The following RNF112 variants were observed in gnomAD, a reference collection of about 807,000 sequenced individuals.
RNF112 encodes brain finger protein.
A neutral mutation model predicts 64.7 loss-of-function variants in RNF112; 34 were observed. The observed-to-expected ratio is 0.53, with a 90% CI of 0.40 to 0.70. The LOEUF is 0.70. RNF112 is among the 30% of genes least tolerant of loss of function. The pLI is 0.00. For synonymous variants in RNF112, 345 were observed against 344.5 expected, an observed-to-expected ratio of 1.00 and a Z score of -0.02; for missense variants, 734 against 850.0, an observed-to-expected ratio of 0.86 and a Z score of 1.70.
chr17:19,416,103 G>A lies in RNF112; in HGVS notation c.1824G>A (p.Val608=), dbSNP rs1598137786. 2 of 1,583,418 alleles carry A rather than the reference G, an allele frequency of 1.3e-6. No individual in the cohort carries two copies. Among genetic ancestry groups the A allele is most frequent in the Non-Finnish European group, 1.7e-6 (2 of 1,165,488 alleles). Residue 608 remains valine (V), a synonymous_variant, in exon 14 of 14, where the codon GTG becomes GTA. Coordinates refer to ENST00000461366, the MANE Select transcript of RNF112 (RefSeq NM_007148.5). The stretch of plus-strand genomic sequence containing the variant: ...TGGGTGCTGGGTTGGCTGCCACAGT[G>A]GGCTGCATGGAGAAGGAGGAGGATG... ...GGVGAGLAAT[V]GCMEKEEDER... is the part of the protein sequence containing the mutation.
Position 19,416,950 on chromosome 17 carries a change from A to G in RNF112, c.*775A>G, listed in dbSNP as rs1199671495. ...AAGTGCCCAAATGCGAAAGAATAACACCTTTTCTTGCATTCTGAGCTAAGC... is the reference window on the plus strand; with the variant it reads ...AAGTGCCCAAATGCGAAAGAATAACGCCTTTTCTTGCATTCTGAGCTAAGC... On this transcript the variant is annotated 3_prime_UTR_variant, in exon 14 of 14. Transcript: ENST00000461366. 6.6e-6 allele frequency: 1 copy of G among 151,976 alleles called. No individual in the cohort carries two copies. Among genetic ancestry groups the G allele is most frequent in the Non-Finnish European group, 1.5e-5 (1 of 68,022 alleles). The allele number at this position is 151,976 out of a possible 1,614,324, so 9.4% of individuals were successfully genotyped here. A position where few individuals can be genotyped will look rare whatever the true frequency, so the allele number is the denominator to read the frequency against.
At position 19,415,473 on chromosome 17, in the gene RNF112, G is replaced by C. The variant is rs1000143734; in HGVS notation, c.1351-45G>C. ...GATGAGGAAACAAGCAGCGCCCCTG[G>C]CTGAGAAGGAAGGAAGGAGGCAGCC... On this transcript the variant is annotated intron_variant, in intron 12 of 13. Coordinates refer to ENST00000461366, the MANE Select transcript of RNF112 (RefSeq NM_007148.5). This position sits in a 1 kb window ranked among gnomAD's most constrained non-coding sequence, Gnocchi z 7.8. 5 of 1,584,350 alleles carry C rather than the reference G, an allele frequency of 3.2e-6. No individual in the cohort carries two copies. The Admixed American group carries it at 5.4e-5, about 17-fold the overall frequency.
chr17:19,415,661 G>A lies in RNF112; in HGVS notation c.1426-44G>A, dbSNP rs1235531811. The A allele has an allele frequency of 4.4e-6, 7 of 1,601,018 alleles. No homozygotes were observed. Among genetic ancestry groups the A allele is most frequent in the Middle Eastern group, 1.7e-4 (1 of 6,018 alleles). ...GGTCCAGATCAGGGAGAGGATACCT[G>A]GGACTCCTGGTCAGGGCACCTTCTT... On this transcript the variant is annotated intron_variant, in intron 13 of 13. Coordinates refer to ENST00000461366, the MANE Select transcript of RNF112 (RefSeq NM_007148.5). The surrounding 1 kb of genome is among the most constrained non-coding windows in gnomAD (Gnocchi z 7.8).
chr17:19,411,510 C>T, intron 1 of RNF112, 48 bp downstream of exon 1: 1 of 1,578,620 alleles, frequency 6.3e-7, no homozygotes, highest in African/African-American at 1.3e-5. Context: ...GTGGGAAGGG[C>T]CCTCCTTGGG....
intron 2 of RNF112, 34 bp downstream of exon 2, chr17:19,411,704 G>A (rs776790404): frequency 6.4e-7 from 1 of 1,565,770 alleles, no homozygotes; most frequent in South Asian, 1.2e-5. Flanking sequence ...TGGGATGGGT[G>A]CAGTGAGGCC....
At position 19,411,235 on chromosome 17, in the gene RNF112, TTTC is replaced by T. The variant is rs1913641615; in HGVS notation, c.-171_-169del. The T allele has an allele frequency of 1.6e-6, 1 of 620,032 alleles. No homozygotes were observed. Among genetic ancestry groups the T allele is most frequent in the South Asian group, 2.0e-5 (1 of 50,294 alleles). 38.4% of individuals were successfully genotyped at this position (620,032 alleles called of 1,614,324 possible). A position where few individuals can be genotyped will look rare whatever the true frequency, so the allele number is the denominator to read the frequency against. On this transcript the variant is annotated 5_prime_UTR_variant, in exon 1 of 14. Coordinates refer to ENST00000461366, the MANE Select transcript of RNF112 (RefSeq NM_007148.5). ...AGCCTCCTCTTTCCTGACTGTCACA[TTTC>T]TTTTCCAGCTCTGACCGGGAGTCAG...
intron 9 of RNF112, 36 bp from the exon 10 acceptor site, chr17:19,414,734 C>A (rs1038213933): frequency 1.2e-6 from 2 of 1,611,336 alleles, no homozygotes; most frequent in Non-Finnish European, 1.7e-6. Context: ...GAGGCTGGAC[C>A]TCCTAGCTCA....
In RNF112 at chr17:19,416,247, G is replaced by A. The variant is rs1677206069; in HGVS notation, c.*72G>A. ...GAAGAAGAGGGGCAGGTCGGGGGAG[G>A]GTGATGCCAGGGATTCCAAGGCACC... On this transcript the variant is annotated 3_prime_UTR_variant, in exon 14 of 14. Transcript: ENST00000461366. The A allele has an allele frequency of 2.2e-6, 3 of 1,349,178 alleles. No homozygotes were observed. Among genetic ancestry groups the A allele is most frequent in the Non-Finnish European group, 3.0e-6 (3 of 994,144 alleles). The allele number at this position is 1,349,178 out of a possible 1,614,324, so 83.6% of individuals were successfully genotyped here.
Position 19,415,697 on chromosome 17 carries a change from T to G in RNF112, c.1426-8T>G, listed in dbSNP as rs778398873. ...TCAGGGCACCTTCTTTTCCCCTCCC[T>G]GTCACAGGACGTAGCCACCAAGCGC... On this transcript the variant is annotated splice_polypyrimidine_tract_variant and splice_region_variant and intron_variant, in intron 13 of 13. Coordinates refer to ENST00000461366, the MANE Select transcript of RNF112 (RefSeq NM_007148.5). The surrounding 1 kb of genome is among the most constrained non-coding windows in gnomAD (Gnocchi z 7.8). 1.2e-6 allele frequency: 2 copies of G among 1,603,024 alleles called. No homozygotes were observed. The highest frequency in any genetic ancestry group is 2.2e-5 in the South Asian group (2 of 89,746).
Position 19,416,006 on chromosome 17 carries a change from C to T in RNF112, c.1727C>T (p.Ala576Val). 6.4e-7 allele frequency: 1 copy of T among 1,552,896 alleles called. No homozygotes were observed. The highest frequency in any genetic ancestry group is 8.7e-7 in the Non-Finnish European group (1 of 1,150,472). Residue 576 changes from alanine to valine, a missense_variant, in exon 14 of 14, where the codon GCT (alanine) becomes GTT (valine). Transcript: ENST00000461366. ...VGAGMAAAAL[A>V]AEAGMVAAGA... ...GCTGGCATGGCAGCAGCTGCACTGGCTGCAGAGGCTGGGATGGTGGCTGCT... is the reference window on the plus strand; with the variant it reads ...GCTGGCATGGCAGCAGCTGCACTGGTTGCAGAGGCTGGGATGGTGGCTGCT...
At chr17:19,414,702 G>A (rs746148922) in intron 9 of RNF112, 42 bp downstream of exon 9, 43 of 1,610,492 alleles carry the variant, frequency 2.7e-5, no homozygotes, top group Non-Finnish European at 3.6e-5. Context: ...CCATGGACAG[G>A]GCAGAGGTGG....
chr17:19,413,513 T>G lies in RNF112; in HGVS notation c.721-64T>G. ...AGATGGGGATGGGACGGGGCAGGGTTGGGAAGAATGTGGGAGAACAAGGCA... is the reference window on the plus strand; with the variant it reads ...AGATGGGGATGGGACGGGGCAGGGTGGGGAAGAATGTGGGAGAACAAGGCA... On this transcript the variant is annotated intron_variant, in intron 5 of 13. Coordinates refer to ENST00000461366, the MANE Select transcript of RNF112 (RefSeq NM_007148.5). This position sits in a 1 kb window ranked among gnomAD's most constrained non-coding sequence, Gnocchi z 5.9. The G allele has an allele frequency of 6.3e-7, 1 of 1,577,108 alleles. No individual in the cohort carries two copies. Among genetic ancestry groups the G allele is most frequent in the East Asian group, 2.3e-5 (1 of 44,336 alleles).
In RNF112 at chr17:19,414,394, G is replaced by A. The variant is rs973902253; in HGVS notation, c.877-55G>A. On this transcript the variant is annotated intron_variant, in intron 7 of 13. Coordinates refer to ENST00000461366, the MANE Select transcript of RNF112 (RefSeq NM_007148.5). ...GGAGGTGGGGAGACAGGCTTGGGGTGCACCATAGTCCTCAAAGTGGCCCAG... is the reference window on the plus strand; with the variant it reads ...GGAGGTGGGGAGACAGGCTTGGGGTACACCATAGTCCTCAAAGTGGCCCAG... The A allele has an allele frequency of 6.2e-5, 99 of 1,601,596 alleles. 1 individual carries two copies. The highest frequency in any genetic ancestry group is 8.2e-5 in the Non-Finnish European group (96 of 1,169,108).
rs780682754 is a variant in RNF112 at position 19,411,372 on chromosome 17, C to T, written c.-37C>T. 1.9e-6 allele frequency: 3 copies of T among 1,601,306 alleles called. No homozygotes were observed. Among genetic ancestry groups the T allele is most frequent in the Non-Finnish European group, 2.6e-6 (3 of 1,175,374 alleles). ...CTGGTTGAAGGTCTCGGGGCCTCCC[C>T]CTCTGCATCCGGACCCTCTCCCCAT... On this transcript the variant is annotated 5_prime_UTR_variant, in exon 1 of 14. Transcript: ENST00000461366.
chr17:19,415,937 C>T lies in RNF112; in HGVS notation c.1658C>T (p.Ala553Val). Residue 553 changes from alanine to valine, a missense_variant, in exon 14 of 14, where the codon GCT becomes GTT. Coordinates refer to ENST00000461366, the MANE Select transcript of RNF112 (RefSeq NM_007148.5). The surrounding 1 kb of genome is among the most constrained non-coding windows in gnomAD (Gnocchi z 7.8). Reference sequence around the variant, plus strand: ...GGCCACCTAGCTGCTGTGGGGGGTGCTGTGGGGGCCGGGCTCATGGGCCTG... The same window carrying T: ...GGCCACCTAGCTGCTGTGGGGGGTGTTGTGGGGGCCGGGCTCATGGGCCTG... Reference protein sequence around the residue: ...FCGHLAAVGGAVGAGLMGLAG... With the variant: ...FCGHLAAVGGVVGAGLMGLAG... 6.2e-7 allele frequency: 1 copy of T among 1,606,932 alleles called. No homozygotes were observed.
Position 19,411,673 on chromosome 17 carries a change from A to G in RNF112, c.95+3A>G, listed in dbSNP as rs778462932. 1.9e-6 allele frequency: 3 copies of G among 1,578,588 alleles called. No homozygotes were observed. In the African/African-American group the frequency reaches 4.1e-5, roughly 21 times the overall value. On this transcript the variant is annotated splice_donor_region_variant and intron_variant, in intron 2 of 13. Transcript: ENST00000461366. ...ATGGGAAACAGCGGCAACAGTTGGT[A>G]AGTAGCAGGGCCTTCCAGGCTGGGA...
Position 19,412,701 on chromosome 17 carries a change from T to C in RNF112, c.299T>C (p.Ile100Thr). Residue 100 changes from isoleucine (I) to threonine (T), a missense_variant, in exon 3 of 14, where the codon ATA becomes ACA. Physicochemically the swap from Ile to Thr is moderately conservative, Grantham distance 89. Transcript: ENST00000461366. The surrounding 1 kb of genome is among the most constrained non-coding windows in gnomAD (Gnocchi z 5.1). ...EPPCCPECRK[I>T]CKQKRGLRSL... ...CCCTGCTGTCCTGAGTGCCGGAAGATATGCAAGCAGAAGAGGGGCCTCCGG... is the reference window on the plus strand; with the variant it reads ...CCCTGCTGTCCTGAGTGCCGGAAGACATGCAAGCAGAAGAGGGGCCTCCGG... The C allele has an allele frequency of 6.2e-7, 1 of 1,613,108 alleles. No homozygotes were observed. The highest frequency in any genetic ancestry group is 8.5e-7 in the Non-Finnish European group (1 of 1,179,726).
chr17:19,411,496 T>C, intron 1 of RNF112, 34 bp downstream of exon 1: 9 of 907,446 alleles, frequency 9.9e-6, no homozygotes, highest in Non-Finnish European at 1.3e-5. Context: ...GGAAGGAGAG[T>C]GGGGTGGGAA....
In RNF112 at chr17:19,415,350, T is replaced by C; in HGVS notation, c.1350+11T>C. The C allele has an allele frequency of 6.3e-7, 1 of 1,594,924 alleles. No homozygotes were observed. Among genetic ancestry groups the C allele is most frequent in the Non-Finnish European group, 8.5e-7 (1 of 1,170,256 alleles). ...ACCTCTCCGGATGAGGTATGAGCGC[T>C]GGGGGATCCAGCATTCTGGCAGGGA... On this transcript the variant is annotated intron_variant, in intron 12 of 13. Coordinates refer to ENST00000461366, the MANE Select transcript of RNF112 (RefSeq NM_007148.5). The surrounding 1 kb of genome is among the most constrained non-coding windows in gnomAD (Gnocchi z 7.8).
Sources: gnomAD v4.1 joint callset for allele counts on GRCh38, gnomAD v4.1.1 for gene constraint, Gnocchi (gnomAD v3.1) non-coding constraint, MANE v1.5 for transcripts, NCBI Gene and HGNC (gene_info 2026-07-23, HGNC 2026-07-21) for gene names.